The following PTPRT variants were observed in gnomAD, a reference collection of about 807,000 sequenced individuals.
PTPRT encodes the protein receptor-type tyrosine-protein phosphatase T.
In PTPRT, 56 loss-of-function variants were observed where a neutral mutation model predicts 176.8. The observed-to-expected ratio is 0.32, with a 90% CI of 0.26 to 0.40. The LOEUF (loss-of-function observed/expected upper bound fraction) is 0.40, where lower values mean the gene tolerates loss of function less well. Among genes scored for constraint, PTPRT ranks in the 10% least tolerant of loss-of-function variants. PTPRT has a pLI of 1.00. For synonymous variants in PTPRT, 783 were observed against 739.0 expected (o/e 1.06, Z -0.96); for missense variants, 1,540 against 1,908.2 (o/e 0.81, Z 3.60).
intron 13 of PTPRT, among the ~76,000 whole-genome samples, chr20:42,271,626 G>T (rs968614794): frequency 6.6e-6 from 1 of 152,176 alleles, no homozygotes; most frequent in Non-Finnish European, 1.5e-5. Context: ...ATGAAGAAAT[G>T]TTGAATCATA....
chr20:42,839,063 TC>T (rs1319419513), intron 2 of PTPRT, among the ~76,000 whole-genome samples: 1 of 152,114 alleles, frequency 6.6e-6, no homozygotes, highest in Non-Finnish European at 1.5e-5. Context: ...AGGCCAGGGC[TC>T]AATATGATCC....
At chr20:42,328,525 C>T (rs1054892745) in intron 11 of PTPRT, among the ~76,000 whole-genome samples, 1 of 151,924 alleles carries the variant, frequency 6.6e-6, no homozygotes, top group African/African-American at 2.4e-5. Context: ...GAAAATATCA[C>T]ATAAATAAAT....
At chr20:42,380,121 G>T (rs1369618878) in intron 9 of PTPRT, among the ~76,000 whole-genome samples, 1 of 152,174 alleles carries the variant, frequency 6.6e-6, no homozygotes, top group Non-Finnish European at 1.5e-5. Context: ...TCAGTAGATA[G>T]CTTTGGGGTC....
At chr20:42,068,757 G>C (rs1290509905), downstream of PTPRT, among the ~76,000 whole-genome samples, 1 of 152,186 alleles carries the variant, frequency 6.6e-6, no homozygotes, top group Non-Finnish European at 1.5e-5. Flanking sequence ...TCACACAATA[G>C]CTTGGCCGCC....
At chr20:42,678,903 G>A (rs1281780693) in intron 6 of PTPRT, among the ~76,000 whole-genome samples, 2 of 152,198 alleles carry the variant, frequency 1.3e-5, no homozygotes, top group Non-Finnish European at 2.9e-5. Context: ...GATTGTTAGT[G>A]AAGTTCTTTC....
At chr20:42,140,110 T>C (rs1988553933) in intron 18 of PTPRT, among the ~76,000 whole-genome samples, 1 of 152,268 alleles carries the variant, frequency 6.6e-6, no homozygotes, top group Non-Finnish European at 1.5e-5. Flanking sequence ...ACAATCTGCC[T>C]GTATCTTACT....
intron 9 of PTPRT, among the ~76,000 whole-genome samples, chr20:42,437,906 C>T (rs1292356814): frequency 6.6e-6 from 1 of 152,188 alleles, no homozygotes; most frequent in Non-Finnish European, 1.5e-5. Flanking sequence ...CAAATTCATG[C>T]TGCATTGCCC....
intron 11 of PTPRT, among the ~76,000 whole-genome samples, chr20:42,323,541 A>G (rs930257641): frequency 6.6e-6 from 1 of 152,012 alleles, no homozygotes; most frequent in Non-Finnish European, 1.5e-5. Context: ...GTTCTCACCC[A>G]TAGGTGGGAA....
intron 7 of PTPRT, among the ~76,000 whole-genome samples, chr20:42,656,471 A>T (rs1444324243): frequency 6.6e-6 from 1 of 152,192 alleles, no homozygotes; most frequent in African/African-American, 2.4e-5. Flanking sequence ...TTGCAGAGTT[A>T]TTGTCTCAGG....
At chr20:42,205,252 C>A (rs2055426703) in intron 15 of PTPRT, among the ~76,000 whole-genome samples, 2 of 152,132 alleles carry the variant, frequency 1.3e-5, no homozygotes, top group Admixed American at 6.5e-5. Context: ...GGTTTAGCAA[C>A]CTTCTCTTCA....
intron 1 of PTPRT, among the ~76,000 whole-genome samples, chr20:43,090,451 G>C (rs1001483208): frequency 3.3e-5 from 5 of 152,006 alleles, no homozygotes; most frequent in African/African-American, 1.2e-4. Flanking sequence ...TGTATTTTTA[G>C]TAGAGACAGG....
intron 9 of PTPRT, among the ~76,000 whole-genome samples, chr20:42,397,948 T>C (rs1715618075): frequency 6.6e-6 from 1 of 152,218 alleles, no homozygotes; most frequent in South Asian, 2.1e-4. Flanking sequence ...TCTTGGGCAA[T>C]TTCTTATGTC....
chr20:43,183,436 T>C (rs965360481), intron 1 of PTPRT, among the ~76,000 whole-genome samples: 7 of 152,166 alleles, frequency 4.6e-5, no homozygotes, highest in African/African-American at 1.7e-4. Flanking sequence ...AAGTAACTTA[T>C]CAAGGCCACA....
At chr20:42,477,902 T>A (rs2071318518) in intron 7 of PTPRT, among the ~76,000 whole-genome samples, 1 of 152,232 alleles carries the variant, frequency 6.6e-6, no homozygotes, top group African/African-American at 2.4e-5. Context: ...AGAGCCACTT[T>A]GGCCCACTTC....
chr20:43,104,226 C>A (rs1352664886), intron 1 of PTPRT, among the ~76,000 whole-genome samples: 1 of 152,144 alleles, frequency 6.6e-6, no homozygotes, highest in Non-Finnish European at 1.5e-5. Context: ...CAGCTCCCAG[C>A]ACACAATAGG....
chr20:42,533,182 C>A (rs1190129062), intron 7 of PTPRT, among the ~76,000 whole-genome samples: 1 of 152,190 alleles, frequency 6.6e-6, no homozygotes, highest in Non-Finnish European at 1.5e-5. Flanking sequence ...TGCAGGAGGC[C>A]AAAGGCTGAG....
At chr20:42,420,154 C>A (rs925809174) in intron 9 of PTPRT, among the ~76,000 whole-genome samples, 1 of 152,130 alleles carries the variant, frequency 6.6e-6, no homozygotes, top group East Asian at 1.9e-4. Flanking sequence ...AAAATCATAT[C>A]GGGTTGCTAT....
At chr20:42,408,032 C>T (rs1568853103) in intron 9 of PTPRT, among the ~76,000 whole-genome samples, 1 of 152,028 alleles carries the variant, frequency 6.6e-6, no homozygotes, top group Non-Finnish European at 1.5e-5. Context: ...TAAAATACCA[C>T]ATGTATGAAT....
At chr20:42,253,931 C>T (rs1469089262) in intron 13 of PTPRT, among the ~76,000 whole-genome samples, 1 of 152,178 alleles carries the variant, frequency 6.6e-6, no homozygotes, top group Admixed American at 6.5e-5. Context: ...CAGTCTCCTC[C>T]TAGCTCCAGC....
Sources: allele counts gnomAD v4.1 joint callset (sites outside exome capture counted in the v4.1 genomes callset), GRCh38; gene constraint gnomAD v4.1.1; transcripts MANE v1.5; gene names NCBI Gene and HGNC (gene_info 2026-07-23, HGNC 2026-07-21).